PIK3C3: variants seen among roughly 807,000 people sequenced by gnomAD.
The protein encoded by PIK3C3 is phosphatidylinositol 3-kinase catalytic subunit type 3.
PIK3C3 carries 95 observed loss-of-function variants against 126.1 expected under a neutral mutation model. That is an observed-to-expected ratio of 0.75 (90% CI 0.64 to 0.89). The LOEUF (loss-of-function observed/expected upper bound fraction) is 0.89. Among genes scored for constraint, PIK3C3 ranks in the 40% least tolerant of loss-of-function variants. PIK3C3 has a pLI of 0.00. For synonymous variants in PIK3C3, 374 were observed against 360.0 expected (o/e 1.04, Z -0.44); for missense variants, 829 against 1,063.2 (o/e 0.78, Z 3.06).
At chr18:42,060,344 A>G (rs995412009) in intron 22 of PIK3C3, among the ~76,000 whole-genome samples, 5 of 152,186 alleles carry the variant, frequency 3.3e-5, no homozygotes, top group African/African-American at 1.2e-4. Context: ...ATACATTATC[A>G]TCTCTTATTA....
At chr18:41,959,936 C>A (rs1020784878) in intron 2 of PIK3C3, among the ~76,000 whole-genome samples, 10 of 140,930 alleles carry the variant, frequency 7.1e-5, no homozygotes, top group African/African-American at 2.8e-4. Context: ...AGGTAAAAAC[C>A]TTAAATAGTC....
intron 24 of PIK3C3, among the ~76,000 whole-genome samples, chr18:42,076,193 CACACATATATATAT>C (rs1315055769): frequency 1.2e-5 from 1 of 85,190 alleles, no homozygotes; most frequent in Admixed American, 1.3e-4. Context: ...TATATATATG[CACACATATATATAT>C]GCACATATAT....
intron 1 of PIK3C3, among the ~76,000 whole-genome samples, chr18:41,956,760 C>T (rs1227886306): frequency 2.0e-5 from 3 of 152,050 alleles, no homozygotes; most frequent in Non-Finnish European, 4.4e-5. Context: ...TTGGCTTTGG[C>T]CTCCCTGCCC....
At chr18:41,986,141 C>T (rs57794431) in intron 4 of PIK3C3, among the ~76,000 whole-genome samples, 34,268 of 152,008 alleles carry the variant, frequency 0.23, 4,312 homozygotes, top group South Asian at 0.39. Context: ...GGGGTTTAAA[C>T]CCTAGCTTGG....
intron 3 of PIK3C3, among the ~76,000 whole-genome samples, chr18:41,967,423 A>G (rs751452139): frequency 1.3e-5 from 2 of 152,208 alleles, no homozygotes; most frequent in Non-Finnish European, 2.9e-5. Flanking sequence ...TTTCTTATGC[A>G]GTGAAATAAC....
At chr18:41,981,802 A>T (rs1029456353) in intron 4 of PIK3C3, among the ~76,000 whole-genome samples, 3 of 143,390 alleles carry the variant, frequency 2.1e-5, no homozygotes, top group African/African-American at 7.5e-5. Context: ...TGTACTAAAA[A>T]TACAAAAAAA....
intron 4 of PIK3C3, among the ~76,000 whole-genome samples, chr18:41,977,792 G>A (rs186447799): frequency 7.2e-4 from 109 of 152,120 alleles, no homozygotes; most frequent in African/African-American, 2.6e-3. Flanking sequence ...GGCCAGAAAT[G>A]GCTATTTTCT....
intron 14 of PIK3C3, 35 bp downstream of exon 14, chr18:42,027,583 C>A: frequency 8.1e-7 from 1 of 1,239,320 alleles, no homozygotes; most frequent in Non-Finnish European, 1.2e-6. Context: ...CAAACTGCAG[C>A]ACATGGGCCA....
intron 24 of PIK3C3, among the ~76,000 whole-genome samples, chr18:42,069,138 A>C (rs922370291): frequency 1.3e-5 from 2 of 152,144 alleles, no homozygotes; most frequent in Non-Finnish European, 2.9e-5. Flanking sequence ...TTTCTAGCTC[A>C]ATAAAAAGGT....
At chr18:41,956,548 CTTTTTTTTTTT>C in intron 1 of PIK3C3, among the ~76,000 whole-genome samples, 1 of 100,252 alleles carries the variant, frequency 1.0e-5, no homozygotes, top group Non-Finnish European at 1.9e-5. Context: ...AAACCGGTCC[CTTTTTTTTTTT>C]TTTTTTTTTT....
At chr18:42,068,823 G>A (rs989048426) in intron 24 of PIK3C3, among the ~76,000 whole-genome samples, 45 of 151,846 alleles carry the variant, frequency 3.0e-4, no homozygotes, top group Non-Finnish European at 4.7e-4. Context: ...GATGGCGGGC[G>A]CCTGTAGTCC....
chr18:42,044,219 T>C (rs925651188), intron 20 of PIK3C3, among the ~76,000 whole-genome samples: 2 of 152,160 alleles, frequency 1.3e-5, no homozygotes, highest in Non-Finnish European at 2.9e-5. Context: ...GAGGGTGCCC[T>C]TGTGGTATTT....
intron 19 of PIK3C3, among the ~76,000 whole-genome samples, chr18:42,041,491 T>C (rs1984316498): frequency 2.0e-5 from 3 of 151,732 alleles, no homozygotes; most frequent in Non-Finnish European, 4.4e-5. Context: ...TTTGGATTTT[T>C]TTTTTTTTTA....
chr18:42,024,039 A>T (rs921585562), intron 13 of PIK3C3, among the ~76,000 whole-genome samples: 3 of 152,174 alleles, frequency 2.0e-5, no homozygotes, highest in African/African-American at 7.2e-5. Flanking sequence ...AAATTGTTGC[A>T]GTTTTTTATT....
chr18:41,970,737 C>T (rs145611610), intron 4 of PIK3C3: 305 of 563,922 alleles, frequency 5.4e-4, no homozygotes, highest in African/African-American at 5.1e-3. Flanking sequence ...AACAGTCACT[C>T]CCATTTTCTG....
chr18:41,986,611 G>A (rs1405870747), intron 4 of PIK3C3, among the ~76,000 whole-genome samples: 1 of 148,074 alleles, frequency 6.8e-6, no homozygotes, highest in African/African-American at 2.7e-5. Context: ...TTTTCTGTAG[G>A]TCACATTGTC....
chr18:42,010,372 TTTG>T (rs1216629185), intron 10 of PIK3C3, among the ~76,000 whole-genome samples: 3 of 152,082 alleles, frequency 2.0e-5, no homozygotes, highest in Non-Finnish European at 2.9e-5. Flanking sequence ...TGAAGTCTTT[TTTG>T]TTGTTGTTGA....
chr18:42,068,568 T>C (rs1985636589), intron 24 of PIK3C3, among the ~76,000 whole-genome samples: 1 of 152,186 alleles, frequency 6.6e-6, no homozygotes, highest in Non-Finnish European at 1.5e-5. Context: ...TTATTACGAC[T>C]TGCACTTATG....
At chr18:42,018,687 T>C (rs1161604468) in intron 12 of PIK3C3, among the ~76,000 whole-genome samples, 1 of 152,118 alleles carries the variant, frequency 6.6e-6, no homozygotes, top group Non-Finnish European at 1.5e-5. Flanking sequence ...TGTTGATCCC[T>C]ACTCTTTCAT....
Sources: gnomAD v4.1 joint callset for allele counts (sites outside exome capture counted in the v4.1 genomes callset) on GRCh38, gnomAD v4.1.1 for gene constraint, MANE v1.5 for transcripts, NCBI Gene and HGNC (gene_info 2026-07-23, HGNC 2026-07-21) for gene names.